The following RBFOX1 variants were observed in gnomAD, a reference collection of about 807,000 sequenced individuals.
The protein encoded by RBFOX1 is RNA binding fox-1 homolog 1.
Under a neutral mutation model 57.7 loss-of-function variants are expected in RBFOX1, and 8 were observed. The ratio of observed to expected loss-of-function variants is 0.14; its 90% CI spans 0.08 to 0.25. The LOEUF is 0.25. Ranked by LOEUF, RBFOX1 falls within the 10% of genes least tolerant of loss-of-function variation. The pLI, the probability that RBFOX1 is intolerant of heterozygous loss-of-function variation, is 1.00. For missense variants in RBFOX1, 611 were observed against 548.5 expected, an observed-to-expected ratio of 1.11 and a Z score of -1.14; for synonymous variants, 326 against 222.4, an observed-to-expected ratio of 1.47 and a Z score of -4.15.
intron 3 of RBFOX1, among the ~76,000 whole-genome samples, chr16:6,900,865 A>G (rs984157442): frequency 1.3e-5 from 2 of 152,200 alleles, no homozygotes; most frequent in East Asian, 3.9e-4. Context: ...AGCTCCATGA[A>G]TGCAGGGAGC....
chr16:7,115,548 A>C (rs1599909541), intron 4 of RBFOX1, among the ~76,000 whole-genome samples: 1 of 152,172 alleles, frequency 6.6e-6, no homozygotes, highest in Non-Finnish European at 1.5e-5. Context: ...GGGGACCTTC[A>C]CTGAGCTCTC....
intron 1 of RBFOX1, among the ~76,000 whole-genome samples, chr16:6,126,154 A>G (rs915617140): frequency 6.6e-6 from 1 of 152,242 alleles, no homozygotes; most frequent in Non-Finnish European, 1.5e-5. Flanking sequence ...CCGAGGGATT[A>G]AATACCCCAT....
At chr16:5,893,213 G>T (rs1386714955) in intron 4 of RBFOX1, among the ~76,000 whole-genome samples, 1 of 152,148 alleles carries the variant, frequency 6.6e-6, no homozygotes, top group African/African-American at 2.4e-5. Flanking sequence ...ACATAGCTTT[G>T]AATGCCCAAC....
chr16:5,723,838 G>T (rs1371759613), intron 3 of RBFOX1, among the ~76,000 whole-genome samples: 1 of 152,230 alleles, frequency 6.6e-6, no homozygotes, highest in African/African-American at 2.4e-5. Flanking sequence ...TCTGTCTGTA[G>T]ACTGGACCTT....
chr16:7,163,670 A>T (rs1039699844), intron 4 of RBFOX1, among the ~76,000 whole-genome samples: 1 of 151,534 alleles, frequency 6.6e-6, no homozygotes, highest in African/African-American at 2.4e-5. Context: ...TAAAAATTTA[A>T]TTTTTTTAGA....
chr16:7,186,416 A>T (rs1275587419), intron 4 of RBFOX1, among the ~76,000 whole-genome samples: 6 of 105,070 alleles, frequency 5.7e-5, no homozygotes, highest in African/African-American at 2.4e-4. Context: ...AAACATATTT[A>T]TATAAATATA....
chr16:5,693,920 C>T (rs768538408), intron 3 of RBFOX1, among the ~76,000 whole-genome samples: 2 of 152,174 alleles, frequency 1.3e-5, no homozygotes, highest in African/African-American at 2.4e-5. Flanking sequence ...TCCCCCACCT[C>T]GTCACAGGTG....
At chr16:7,269,413 T>C (rs17647460) in intron 4 of RBFOX1, among the ~76,000 whole-genome samples, 64,200 of 152,054 alleles carry the variant, frequency 0.42, 16,648 homozygotes, top group African/African-American at 0.73. Context: ...AAAAACATTT[T>C]GATATTTCTC....
chr16:6,203,752 G>A (rs1483497581), intron 1 of RBFOX1, among the ~76,000 whole-genome samples: 1 of 152,152 alleles, frequency 6.6e-6, no homozygotes, highest in East Asian at 1.9e-4. Flanking sequence ...TGTGTTCATA[G>A]AAACATAAAT....
chr16:5,889,308 G>A (rs1194152864), intron 4 of RBFOX1, among the ~76,000 whole-genome samples: 3 of 152,218 alleles, frequency 2.0e-5, no homozygotes, highest in Non-Finnish European at 4.4e-5. Context: ...CCTTATAAGT[G>A]AGAACACGTG....
At chr16:7,178,301 G>C (rs182016407) in intron 4 of RBFOX1, among the ~76,000 whole-genome samples, 1 of 152,120 alleles carries the variant, frequency 6.6e-6, no homozygotes, top group Admixed American at 6.5e-5. Context: ...CTTGATTGAC[G>C]TCACTGAGAA....
At chr16:5,578,836 C>CAT (rs1458079745) in intron 2 of RBFOX1, among the ~76,000 whole-genome samples, 1 of 139,136 alleles carries the variant, frequency 7.2e-6, no homozygotes, top group African/African-American at 2.7e-5. Flanking sequence ...CACACACACA[C>CAT]ACACACCCTT....
At chr16:7,253,632 C>G (rs1363786330) in intron 4 of RBFOX1, among the ~76,000 whole-genome samples, 2 of 152,144 alleles carry the variant, frequency 1.3e-5, no homozygotes, top group Non-Finnish European at 2.9e-5. Flanking sequence ...CAGCTCATTT[C>G]TACATGACCA....
intron 3 of RBFOX1, among the ~76,000 whole-genome samples, chr16:6,750,637 A>G (rs904291443): frequency 3.3e-5 from 5 of 152,192 alleles, no homozygotes; most frequent in African/African-American, 1.2e-4. Context: ...ACCCAAGTTT[A>G]AAACACCTGC....
chr16:6,283,685 C>T (rs562442639), intron 1 of RBFOX1, among the ~76,000 whole-genome samples: 23 of 152,306 alleles, frequency 1.5e-4, no homozygotes, highest in African/African-American at 3.8e-4. Context: ...CGGAGTTTCA[C>T]GTTGGCACCC....
At chr16:6,272,043 T>C (rs995530306) in intron 1 of RBFOX1, among the ~76,000 whole-genome samples, 9 of 152,148 alleles carry the variant, frequency 5.9e-5, no homozygotes, top group African/African-American at 2.2e-4. Context: ...CCATTGACTG[T>C]AACAAAATAT....
chr16:5,648,557 C>T (rs1444144084), intron 3 of RBFOX1, among the ~76,000 whole-genome samples: 1 of 152,088 alleles, frequency 6.6e-6, no homozygotes, highest in East Asian at 1.9e-4. Flanking sequence ...GGGCGGAGAC[C>T]AGGGATGCTG....
chr16:7,663,485 C>T (rs183971968), intron 12 of RBFOX1, among the ~76,000 whole-genome samples: 180 of 148,768 alleles, frequency 1.2e-3, no homozygotes, highest in Non-Finnish European at 6.7e-4. Flanking sequence ...GTCACAGCTG[C>T]GTGTGTGTGT....
chr16:5,979,005 C>G (rs1296493893), intron 4 of RBFOX1, among the ~76,000 whole-genome samples: 2 of 152,234 alleles, frequency 1.3e-5, no homozygotes, highest in African/African-American at 2.4e-5. Flanking sequence ...AAGAAAGTTA[C>G]TAGGCCTAGG....
Sources: gnomAD v4.1 joint callset for allele counts (sites outside exome capture counted in the v4.1 genomes callset) on GRCh38, gnomAD v4.1.1 for gene constraint, MANE v1.5 for transcripts, NCBI Gene and HGNC (gene_info 2026-07-23, HGNC 2026-07-21) for gene names.